ASNS: variants seen among roughly 807,000 people sequenced by gnomAD.
The protein encoded by ASNS is asparagine synthetase (glutamine-hydrolyzing), also known as asparagine synthetase [glutamine-hydrolyzing].
Under a neutral mutation model 62.6 loss-of-function variants are expected in ASNS, and 37 were observed. The observed-to-expected ratio is 0.59, with a 90% CI of 0.45 to 0.78. The LOEUF is 0.78. ASNS is among the 30% of genes least tolerant of loss of function. The pLI, the probability that ASNS is intolerant of heterozygous loss-of-function variation, is 0.00. For synonymous variants in ASNS, 207 were observed against 237.9 expected, an observed-to-expected ratio of 0.87 and a Z score of 1.19; for missense variants, 520 against 682.4, an observed-to-expected ratio of 0.76 and a Z score of 2.65.
At chr7:97,891,320 T>G in the ASNS span, among the ~76,000 whole-genome samples, 2 of 152,168 alleles carry the variant, frequency 1.3e-5, no homozygotes, top group Non-Finnish European at 2.9e-5. Context: ...ACCAGGTCCC[T>G]CCCACAACAT....
In ASNS at chr7:97,858,897, C is replaced by A; in HGVS notation, c.732G>T (p.Lys244Asn). 6.2e-7 allele frequency: 1 copy of A among 1,613,724 alleles called. No homozygotes were observed. The highest frequency in any genetic ancestry group is 8.5e-7 in the Non-Finnish European group (1 of 1,179,910). Reference protein sequence around the residue: ...NLRILFNNAVKKRLMTDRRIG... With the variant: ...NLRILFNNAVNKRLMTDRRIG... ...TCCTTCTGTCTGTCATCAAACGTTT[C>A]TTTACAGCATTATTAAAAAGGATCC... Residue 244 changes from lysine (K) to asparagine (N), a missense_variant, in exon 6 of 13, where the codon AAG becomes AAT. Transcript: ENST00000394308.
the ASNS span, among the ~76,000 whole-genome samples, chr7:97,884,235 C>G: frequency 3.3e-3 from 508 of 152,224 alleles, 3 homozygotes; most frequent in African/African-American, 0.012. Context: ...AAGCCTTCAG[C>G]CACACAAACT....
At chr7:97,874,684 C>T (rs548338793), upstream of ASNS, among the ~76,000 whole-genome samples, 3 of 152,366 alleles carry the variant, frequency 2.0e-5, no homozygotes, top group East Asian at 5.8e-4. Context: ...TCCCGCAACA[C>T]AGCACAGTGC....
In ASNS at chr7:97,859,402, G is replaced by C. The variant is rs1791611153; in HGVS notation, c.488-4C>G. On this transcript the variant is annotated splice_polypyrimidine_tract_variant and splice_region_variant and intron_variant, in intron 4 of 12. Coordinates refer to ENST00000394308, the MANE Select transcript of ASNS (RefSeq NM_001673.5). ...GAGTGCTTCAATGTAACAAGACCTAGAAATTCACAATGATACCTTTATTCA... is the reference window on the plus strand; with the variant it reads ...GAGTGCTTCAATGTAACAAGACCTACAAATTCACAATGATACCTTTATTCA... 2.5e-6 allele frequency: 4 copies of C among 1,595,434 alleles called. No individual in the cohort carries two copies. The South Asian group carries it at 4.5e-5, about 18-fold the overall frequency.
chr7:97,899,782 G>A, the ASNS span, among the ~76,000 whole-genome samples: 312 of 151,940 alleles, frequency 2.1e-3, no homozygotes, highest in African/African-American at 7.3e-3. Flanking sequence ...CACCATGTGG[G>A]TAGACAACAA....
At chr7:97,861,431 C>T (rs1046301781) in intron 4 of ASNS, among the ~76,000 whole-genome samples, 1 of 152,174 alleles carries the variant, frequency 6.6e-6, no homozygotes, top group Non-Finnish European at 1.5e-5. Flanking sequence ...CTTCTTTCTC[C>T]ACTGAATAAT....
the ASNS span, among the ~76,000 whole-genome samples, chr7:97,893,776 G>A: frequency 6.6e-6 from 1 of 152,308 alleles, no homozygotes; most frequent in African/African-American, 2.4e-5. Context: ...TACAATGATA[G>A]TTGAGAACTT....
At position 97,855,409 on chromosome 7, in the gene ASNS, TCAC is replaced by T; in HGVS notation, c.1078_1080del (p.Val360del). 6.2e-7 allele frequency: 1 copy of T among 1,612,788 alleles called. No homozygotes were observed. The highest frequency in any genetic ancestry group is 8.5e-7 in the Non-Finnish European group (1 of 1,179,650). On this transcript the variant is annotated inframe_deletion, in exon 9 of 13. Coordinates refer to ENST00000394308, the MANE Select transcript of ASNS (RefSeq NM_001673.5). Reference sequence around the variant, plus strand: ...TCATCTGATCCTTCTCCAGAGAAGATCACCACGCTATCTGTGTTCTTCCGAATA... The same window carrying T: ...TCATCTGATCCTTCTCCAGAGAAGATCACGCTATCTGTGTTCTTCCGAATA...
At chr7:97,893,091 G>A in the ASNS span, among the ~76,000 whole-genome samples, 21 of 152,348 alleles carry the variant, frequency 1.4e-4, no homozygotes, top group Non-Finnish European at 2.5e-4. Flanking sequence ...AAATCATTGC[G>A]GAAGTCAAGG....
the ASNS span, among the ~76,000 whole-genome samples, chr7:97,887,925 C>T: frequency 6.8e-6 from 1 of 146,944 alleles, no homozygotes; most frequent in Non-Finnish European, 1.5e-5. Flanking sequence ...CTACCAGTAA[C>T]CTATCCAGAA....
At chr7:97,878,167 C>T in the ASNS span, among the ~76,000 whole-genome samples, 2 of 152,196 alleles carry the variant, frequency 1.3e-5, no homozygotes, top group South Asian at 2.1e-4. Context: ...GGGCAGATCA[C>T]GAGGTCAAGA....
At chr7:97,857,621 A>AC (rs1791509872) in intron 7 of ASNS, among the ~76,000 whole-genome samples, 1 of 149,722 alleles carries the variant, frequency 6.7e-6, no homozygotes, top group Non-Finnish European at 1.5e-5. Flanking sequence ...ACGTTTAAAA[A>AC]AAAAAAAAAA....
At chr7:97,910,578 G>A in the ASNS span, among the ~76,000 whole-genome samples, 1 of 149,666 alleles carries the variant, frequency 6.7e-6, no homozygotes, top group African/African-American at 2.5e-5. Flanking sequence ...GAAATGGAGT[G>A]TCCTTTTATT....
At chr7:97,886,269 T>A in the ASNS span, among the ~76,000 whole-genome samples, 2 of 152,192 alleles carry the variant, frequency 1.3e-5, no homozygotes, top group Non-Finnish European at 2.9e-5. Context: ...TGCCTCAGCC[T>A]CCTGAGTAGT....
At chr7:97,865,931 G>A (rs143441920) in intron 3 of ASNS, among the ~76,000 whole-genome samples, 2 of 152,064 alleles carry the variant, frequency 1.3e-5, no homozygotes, top group Non-Finnish European at 2.9e-5. Context: ...CCTAGGGAAC[G>A]CCAAATAAAC....
At chr7:97,907,565 G>A in the ASNS span, among the ~76,000 whole-genome samples, 1 of 152,082 alleles carries the variant, frequency 6.6e-6, no homozygotes, top group East Asian at 1.9e-4. Context: ...TCAGGAGATC[G>A]AGACCATCCT....
At chr7:97,882,058 C>T in the ASNS span, among the ~76,000 whole-genome samples, 40,725 of 151,804 alleles carry the variant, frequency 0.27, 6,130 homozygotes, top group East Asian at 0.44. Context: ...CGTCCTGTTG[C>T]CCAGGTTGGT....
upstream of ASNS, among the ~76,000 whole-genome samples, chr7:97,877,301 G>C (rs1439255787): frequency 6.6e-6 from 1 of 151,840 alleles, no homozygotes; most frequent in Non-Finnish European, 1.5e-5. Context: ...TACCATGTTG[G>C]CCAGGATGGT....
At chr7:97,858,528 T>G (rs1791567015) in intron 6 of ASNS, 123 bp from the exon 7 acceptor site, 2 of 1,263,344 alleles carry the variant, frequency 1.6e-6, no homozygotes, top group South Asian at 3.0e-5. Context: ...CCGCCAAGTT[T>G]TATAAACTGA....
Sources: gnomAD v4.1 joint callset for allele counts (sites outside exome capture counted in the v4.1 genomes callset) on GRCh38, gnomAD v4.1.1 for gene constraint, MANE v1.5 for transcripts, NCBI Gene and HGNC (gene_info 2026-07-23, HGNC 2026-07-21) for gene names.